MTARC2: variants seen among roughly 807,000 people sequenced by gnomAD.
MTARC2 encodes MOCO sulphurase C-terminal domain containing 2.
A neutral mutation model predicts 35.6 loss-of-function variants in MTARC2; 27 were observed. The observed-to-expected ratio is 0.76, with a 90% confidence interval of 0.56 to 1.04. The LOEUF (loss-of-function observed/expected upper bound fraction) is 1.04. Among genes scored for constraint, MTARC2 ranks in the 50% least tolerant of loss-of-function variants. MTARC2 has a pLI of 0.00. For synonymous variants in MTARC2, 158 were observed against 167.1 expected (o/e 0.95, Z 0.42); for missense variants, 412 against 432.5 (o/e 0.95, Z 0.42).
chr1:220,784,086 G>A lies in MTARC2; in HGVS notation c.*199G>A, dbSNP rs1488362611. 8 of 621,618 alleles carry A rather than the reference G, an allele frequency of 1.3e-5. No homozygotes were observed. Among genetic ancestry groups the A allele is most frequent in the Non-Finnish European group, 2.1e-5 (7 of 339,076 alleles). The allele number at this position is 621,618 out of a possible 1,614,324, so 38.5% of individuals were successfully genotyped here. ...AGGTTAATGCAAGGAAAGTATTAGA[G>A]GGGGGAATATGAAAGTATATATATA... On this transcript the variant is annotated 3_prime_UTR_variant, in exon 8 of 8. Transcript: ENST00000366913.
At chr1:220,749,607 T>G (rs1209635600) in intron 1 of MTARC2, among the ~76,000 whole-genome samples, 1 of 152,056 alleles carries the variant, frequency 6.6e-6, no homozygotes, top group African/African-American at 2.4e-5. Flanking sequence ...ATTTTTGTAT[T>G]TTTAGTAGAA....
At chr1:220,777,553 C>T (rs1455516731) in intron 4 of MTARC2, among the ~76,000 whole-genome samples, 1 of 152,168 alleles carries the variant, frequency 6.6e-6, no homozygotes, top group African/African-American at 2.4e-5. Flanking sequence ...TAAGTCAAGA[C>T]GATTGTTTCT....
intron 1 of MTARC2, among the ~76,000 whole-genome samples, chr1:220,749,437 T>C (rs928825822): frequency 1.8e-4 from 27 of 150,554 alleles, no homozygotes; most frequent in African/African-American, 5.8e-4. Flanking sequence ...CTTTTTTTTT[T>C]TTTTTTTTTT....
chr1:220,748,470 T>C lies in MTARC2; in HGVS notation c.-62T>C. ...GCCCGGATCCTTAAGGGCCTCCTCG[T>C]CCTCCCGGTCTCCGGTCGCTGCCGG... On this transcript the variant is annotated 5_prime_UTR_variant, in exon 1 of 8. Coordinates refer to ENST00000366913, the MANE Select transcript of MTARC2 (RefSeq NM_017898.5). 6 of 1,341,380 alleles carry C rather than the reference T, an allele frequency of 4.5e-6. No individual in the cohort carries two copies. Among genetic ancestry groups the C allele is most frequent in the Non-Finnish European group, 5.7e-6 (6 of 1,053,920 alleles). 83.1% of individuals were successfully genotyped at this position (1,341,380 alleles called of 1,614,324 possible).
intron 1 of MTARC2, among the ~76,000 whole-genome samples, chr1:220,752,198 A>T (rs576325221): frequency 6.6e-6 from 1 of 152,320 alleles, no homozygotes; most frequent in Non-Finnish European, 1.5e-5. Flanking sequence ...TTAATAAGGG[A>T]TGAATGGGAG....
intron 1 of MTARC2, among the ~76,000 whole-genome samples, chr1:220,749,063 T>A (rs1671063464): frequency 6.6e-6 from 1 of 152,226 alleles, no homozygotes; most frequent in Non-Finnish European, 1.5e-5. Flanking sequence ...GTCTGACCTG[T>A]ATCTCCAAGT....
chr1:220,758,100 T>G (rs1208366610), intron 2 of MTARC2, among the ~76,000 whole-genome samples: 1 of 152,158 alleles, frequency 6.6e-6, no homozygotes, highest in Non-Finnish European at 1.5e-5. Context: ...TTCTCCTGCC[T>G]CAGCCTCCTG....
At chr1:220,771,622 A>AT (rs1558072532) in intron 4 of MTARC2, among the ~76,000 whole-genome samples, 1 of 152,058 alleles carries the variant, frequency 6.6e-6, no homozygotes. Flanking sequence ...CAGATAGTTA[A>AT]TTTTTTTCTG....
chr1:220,780,452 ACT>A (rs1491453370), intron 6 of MTARC2, among the ~76,000 whole-genome samples: 1 of 134,846 alleles, frequency 7.4e-6, no homozygotes, highest in Non-Finnish European at 1.5e-5. Flanking sequence ...CTTTGGATAA[ACT>A]TTTTTTTTTT....
rs337185 is a variant in MTARC2, at chr1:220,750,369, T to C, written c.272+1566T>C. On this transcript the variant is annotated intron_variant, in intron 1 of 7. Coordinates refer to ENST00000366913, the MANE Select transcript of MTARC2 (RefSeq NM_017898.5). ...ACTACTTCCTTCCTCGCTTGAAGGGTTGGTTTCACAGACAGTTTCCAGTTC... is the reference window on the plus strand; with the variant it reads ...ACTACTTCCTTCCTCGCTTGAAGGGCTGGTTTCACAGACAGTTTCCAGTTC... Among the ~76,000 whole-genome samples, 592 of 152,242 alleles carry C rather than the reference T, an allele frequency of 3.9e-3. 5 individuals carry two copies. The highest frequency in any genetic ancestry group is 0.014 in the African/African-American group (562 of 41,526).
intron 2 of MTARC2, among the ~76,000 whole-genome samples, chr1:220,757,363 TTAGACATGCTGTAAC>T (rs1671308381): frequency 6.6e-6 from 1 of 152,248 alleles, no homozygotes; most frequent in Admixed American, 6.5e-5. Flanking sequence ...CTCTAGCTGG[TTAGACATGCTGTAAC>T]TAGTTCAGCC....
chr1:220,761,781 A>T lies in MTARC2; in HGVS notation c.570A>T (p.Thr190=). The T allele has an allele frequency of 1.2e-6, 2 of 1,613,200 alleles. No individual in the cohort carries two copies. Among genetic ancestry groups the T allele is most frequent in the Non-Finnish European group, 1.7e-6 (2 of 1,179,802 alleles). The part of the protein sequence containing the change: ...VQFETNMKGR[T]SRKLLPTLDQ... ...TTGAGACAAACATGAAGGGAAGAAC[A>T]TCAAGAAAACTTCTCCCCACTCTTG... The change falls in exon 3 of 8, where the codon ACA becomes ACT. Residue 190 remains threonine, a synonymous_variant. Coordinates refer to ENST00000366913, the MANE Select transcript of MTARC2 (RefSeq NM_017898.5).
At chr1:220,763,298 G>A (rs550351453) in intron 4 of MTARC2, among the ~76,000 whole-genome samples, 1 of 152,248 alleles carries the variant, frequency 6.6e-6, no homozygotes, top group East Asian at 1.9e-4. Context: ...ACTCGAAATT[G>A]TAGCAAATCT....
chr1:220,755,689 G>T (rs898774625), intron 2 of MTARC2, among the ~76,000 whole-genome samples: 1 of 152,164 alleles, frequency 6.6e-6, no homozygotes, highest in Non-Finnish European at 1.5e-5. Flanking sequence ...TGCAGACTCT[G>T]GATGGGTTGG....
chr1:220,754,156 C>T (rs1232350253), intron 1 of MTARC2, among the ~76,000 whole-genome samples: 1 of 152,128 alleles, frequency 6.6e-6, no homozygotes, highest in African/African-American at 2.4e-5. Context: ...TTTTTGGCAA[C>T]ACAGTCTTTT....
chr1:220,754,396 T>G (rs1210223117), intron 1 of MTARC2: 1 of 456,332 alleles, frequency 2.2e-6, no homozygotes, highest in Non-Finnish European at 4.4e-6. Context: ...AAAGGCTGTT[T>G]GGGAGGTTTC....
chr1:220,771,642 G>T (rs1355190007), intron 4 of MTARC2, among the ~76,000 whole-genome samples: 2 of 151,916 alleles, frequency 1.3e-5, no homozygotes, highest in African/African-American at 4.8e-5. Flanking sequence ...GATTATAAAG[G>T]ATATTTTAAA....
intron 2 of MTARC2, among the ~76,000 whole-genome samples, chr1:220,759,985 G>A (rs1233690045): frequency 2.0e-5 from 3 of 152,084 alleles, no homozygotes; most frequent in African/African-American, 4.8e-5. Flanking sequence ...CACATGCATC[G>A]CCTCAGGAGT....
intron 1 of MTARC2, among the ~76,000 whole-genome samples, chr1:220,751,099 CA>C: frequency 6.6e-6 from 1 of 152,308 alleles, no homozygotes; most frequent in East Asian, 1.9e-4. Context: ...AATTTAATAA[CA>C]CTACTACAAA....
Sources: allele counts gnomAD v4.1 joint callset (sites outside exome capture counted in the v4.1 genomes callset), GRCh38; gene constraint gnomAD v4.1.1; transcripts MANE v1.5; gene names NCBI Gene and HGNC (gene_info 2026-07-23, HGNC 2026-07-21).